Variants in UBE2E2 observed in about 807,000 individuals in gnomAD.
The protein encoded by UBE2E2 is ubiquitin-conjugating enzyme E2 E2.
Under a neutral mutation model 24.7 loss-of-function variants are expected in UBE2E2, and 6 were observed. The ratio of observed to expected loss-of-function variants is 0.24; its 90% CI spans 0.13 to 0.48. The LOEUF is 0.48. Among genes scored for constraint, UBE2E2 ranks in the 20% least tolerant of loss-of-function variants. The probability of loss-of-function intolerance (pLI) is 0.99; values close to 1 mark genes in which losing one functional copy is unlikely to be tolerated. For missense variants in UBE2E2, 169 were observed against 245.0 expected (o/e 0.69, Z 2.07); for synonymous variants, 104 against 83.6 (o/e 1.24, Z -1.33).
chr3:23,499,960 T>C (rs1168072134), intron 4 of UBE2E2, among the ~76,000 whole-genome samples: 1 of 152,142 alleles, frequency 6.6e-6, no homozygotes, highest in Non-Finnish European at 1.5e-5. Context: ...TCCTCCTTTT[T>C]CTCCTCATTA....
At chr3:23,423,157 A>G (rs1188582644) in intron 3 of UBE2E2, among the ~76,000 whole-genome samples, 1 of 152,206 alleles carries the variant, frequency 6.6e-6, no homozygotes, top group Non-Finnish European at 1.5e-5. Flanking sequence ...CAAAACTTGA[A>G]ATTAAAGCTT....
rs1698837615 is a variant in UBE2E2, at chr3:23,293,921, A to G, written c.227+76609A>G. Among the ~76,000 whole-genome samples the G allele has an allele frequency of 2.6e-5, 4 of 152,188 alleles. No individual in the cohort carries two copies. In the South Asian group the frequency reaches 8.3e-4, roughly 32 times the overall value. On this transcript the variant is annotated intron_variant, in intron 3 of 5. Coordinates refer to ENST00000396703, the MANE Select transcript of UBE2E2 (RefSeq NM_152653.4). ...CCTCAAGCCCAGGAGTTTAAGTCCA[A>G]CCTGCACAGCATAGCGAGCTCTTTG...
intron 3 of UBE2E2, among the ~76,000 whole-genome samples, chr3:23,269,818 G>T (rs1455564228): frequency 6.6e-6 from 1 of 152,172 alleles, no homozygotes; most frequent in African/African-American, 2.4e-5. Context: ...AAAATGATGT[G>T]CAGCTTAATA....
intron 3 of UBE2E2, among the ~76,000 whole-genome samples, chr3:23,266,754 C>A (rs888917707): frequency 6.6e-6 from 1 of 152,144 alleles, no homozygotes; most frequent in Non-Finnish European, 1.5e-5. Context: ...AATATACATT[C>A]TTTTCAGCAG....
At chr3:23,444,060 G>GTTTTTTTTTTTTT (rs1359491293) in intron 3 of UBE2E2, among the ~76,000 whole-genome samples, 1 of 125,682 alleles carries the variant, frequency 8.0e-6, no homozygotes, top group African/African-American at 3.2e-5. Flanking sequence ...TTCTTCACCA[G>GTTTTTTTTTTTTT]TTTTGTTTTT....
At chr3:23,291,473 A>G (rs1698763204) in intron 3 of UBE2E2, among the ~76,000 whole-genome samples, 1 of 152,226 alleles carries the variant, frequency 6.6e-6, no homozygotes, top group African/African-American at 2.4e-5. Context: ...TTAAAAATTA[A>G]TACTGCATTT....
chr3:23,562,030 T>G (rs1695944013), intron 5 of UBE2E2, among the ~76,000 whole-genome samples: 1 of 152,204 alleles, frequency 6.6e-6, no homozygotes, highest in Non-Finnish European at 1.5e-5. Flanking sequence ...ACAATTTGAC[T>G]TCCTCTTTTC....
intron 1 of UBE2E2, among the ~76,000 whole-genome samples, chr3:23,207,654 T>C (rs1445553118): frequency 3.3e-5 from 5 of 152,208 alleles, no homozygotes; most frequent in South Asian, 2.1e-4. Flanking sequence ...GATTTGAAAG[T>C]GTCGTCCCAT....
intron 5 of UBE2E2, among the ~76,000 whole-genome samples, chr3:23,563,130 C>G (rs1402731699): frequency 6.6e-6 from 1 of 152,074 alleles, no homozygotes; most frequent in Non-Finnish European, 1.5e-5. Context: ...TGTGTTTGCT[C>G]TTGCTTCTCT....
chr3:23,357,021 T>G (rs1695975483), intron 3 of UBE2E2, among the ~76,000 whole-genome samples: 2 of 152,228 alleles, frequency 1.3e-5, no homozygotes, highest in African/African-American at 4.8e-5. Flanking sequence ...TGTGGCACCA[T>G]GATTGCTATG....
At chr3:23,578,314 T>C (rs1279116407) in intron 5 of UBE2E2, among the ~76,000 whole-genome samples, 3 of 152,222 alleles carry the variant, frequency 2.0e-5, no homozygotes, top group Non-Finnish European at 4.4e-5. Context: ...GAAAAAGGAA[T>C]GCATTTACAC....
chr3:23,552,235 T>G (rs1366457650), intron 5 of UBE2E2, among the ~76,000 whole-genome samples: 1 of 152,116 alleles, frequency 6.6e-6, no homozygotes, highest in East Asian at 1.9e-4. Flanking sequence ...CCCCCTGTAG[T>G]CCTAGCTACT....
intron 3 of UBE2E2, among the ~76,000 whole-genome samples, chr3:23,417,518 G>C (rs969869793): frequency 1.3e-5 from 2 of 152,208 alleles, no homozygotes; most frequent in Admixed American, 6.5e-5. Flanking sequence ...CAGTCAGGAG[G>C]CATGGGGGTT....
intron 1 of UBE2E2, among the ~76,000 whole-genome samples, 174 bp downstream of exon 1, chr3:23,203,638 G>A (rs1371211284): frequency 5.5e-5 from 4 of 73,356 alleles, no homozygotes; most frequent in African/African-American, 2.3e-4. Flanking sequence ...CCCCTCCCGC[G>A]AGCCTCCTGC....
chr3:23,491,040 T>C (rs907290729), intron 3 of UBE2E2, among the ~76,000 whole-genome samples: 3 of 152,212 alleles, frequency 2.0e-5, no homozygotes, highest in Non-Finnish European at 2.9e-5. Flanking sequence ...AGAAGCCTTA[T>C]GGGGGATAAA....
At chr3:23,350,564 A>C (rs1239596250) in intron 3 of UBE2E2, among the ~76,000 whole-genome samples, 1 of 152,252 alleles carries the variant, frequency 6.6e-6, no homozygotes, top group African/African-American at 2.4e-5. Context: ...GCTGAAAGCC[A>C]AGGCTCGGGA....
At chr3:23,421,742 A>C (rs1375594193) in intron 3 of UBE2E2, among the ~76,000 whole-genome samples, 10 of 152,246 alleles carry the variant, frequency 6.6e-5, no homozygotes, top group Admixed American at 6.5e-4. Flanking sequence ...ACAGAAACAG[A>C]AAGTCAAACA....
At chr3:23,491,026 A>G (rs1224540116) in intron 3 of UBE2E2, among the ~76,000 whole-genome samples, 2 of 152,228 alleles carry the variant, frequency 1.3e-5, no homozygotes, top group Admixed American at 1.3e-4. Context: ...TTTAAGGACT[A>G]GGAAGAAGCC....
chr3:23,241,425 C>A (rs1697256789), intron 3 of UBE2E2, among the ~76,000 whole-genome samples: 1 of 152,182 alleles, frequency 6.6e-6, no homozygotes, highest in Admixed American at 6.5e-5. Context: ...CTTGTGTTCC[C>A]ATTACAATGG....
Sources: allele counts gnomAD v4.1 joint callset (sites outside exome capture counted in the v4.1 genomes callset), GRCh38; gene constraint gnomAD v4.1.1; transcripts MANE v1.5; gene names NCBI Gene and HGNC (gene_info 2026-07-23, HGNC 2026-07-21).